LNX1: variants seen among roughly 807,000 people sequenced by gnomAD.
The protein encoded by LNX1 is E3 ubiquitin-protein ligase LNX.
Under a neutral mutation model 68.4 loss-of-function variants are expected in LNX1, and 54 were observed. The ratio of observed to expected loss-of-function variants is 0.79; its 90% CI spans 0.63 to 0.99. The LOEUF is 0.99. Ranked by LOEUF, LNX1 falls within the 50% of genes least tolerant of loss-of-function variation. LNX1 has a pLI of 0.00. For synonymous variants in LNX1, 336 were observed against 350.0 expected, an observed-to-expected ratio of 0.96 and a Z score of 0.45; for missense variants, 906 against 926.4, an observed-to-expected ratio of 0.98 and a Z score of 0.29.
At chr4:53,511,795 C>G (rs571160951) in intron 2 of LNX1, among the ~76,000 whole-genome samples, 1 of 152,278 alleles carries the variant, frequency 6.6e-6, no homozygotes, top group South Asian at 2.1e-4. Flanking sequence ...CACAGACGTT[C>G]TGATAGGGTA....
At chr4:53,563,806 T>A (rs1730449208) in intron 2 of LNX1, among the ~76,000 whole-genome samples, 1 of 152,226 alleles carries the variant, frequency 6.6e-6, no homozygotes, top group South Asian at 2.1e-4. Context: ...GTGCTGGGAT[T>A]ACAGGCATGG....
At chr4:53,586,958 A>G (rs953119578) in intron 1 of LNX1, among the ~76,000 whole-genome samples, 2 of 152,202 alleles carry the variant, frequency 1.3e-5, no homozygotes, top group Non-Finnish European at 2.9e-5. Flanking sequence ...AGATGAGTGT[A>G]TGTGCAGCTG....
chr4:53,515,051 A>C (rs749518360), intron 2 of LNX1, among the ~76,000 whole-genome samples: 3 of 152,230 alleles, frequency 2.0e-5, no homozygotes, highest in Admixed American at 6.5e-5. Context: ...TGACTCAAGG[A>C]TATTTCACAG....
intron 2 of LNX1, among the ~76,000 whole-genome samples, chr4:53,613,196 C>T (rs1242806679): frequency 6.6e-6 from 1 of 151,496 alleles, no homozygotes; most frequent in South Asian, 2.1e-4. Flanking sequence ...AAAAAGACCC[C>T]CTACACATAA....
intron 2 of LNX1, among the ~76,000 whole-genome samples, chr4:53,610,816 T>A (rs1303425779): frequency 2.0e-5 from 3 of 148,098 alleles, no homozygotes; most frequent in African/African-American, 7.5e-5. Flanking sequence ...ATTACTGAAA[T>A]AGAAGGCAAA....
rs1721381696 is a variant in LNX1, at chr4:53,459,592, AAG to A, written c.*1313_*1314del. On this transcript the variant is annotated 3_prime_UTR_variant, in exon 11 of 11. Coordinates refer to ENST00000263925, the MANE Select transcript of LNX1 (RefSeq NM_001126328.3). The stretch of plus-strand genomic sequence containing the variant: ...AAAGTTAACTTTTTTTCCAAAATAA[AAG>A]AGTGAATTTTTCATGTTAAGTTAAA... 5.9e-6 allele frequency: 7 copies of A among 1,186,868 alleles called. No individual in the cohort carries two copies. The highest frequency in any genetic ancestry group is 5.6e-5 in the South Asian group (4 of 71,674). 73.5% of individuals were successfully genotyped at this position (1,186,868 alleles called of 1,614,324 possible). A position where few individuals can be genotyped will look rare whatever the true frequency, so the allele number is the denominator to read the frequency against.
At chr4:53,561,410 T>C (rs551096169) in intron 2 of LNX1, among the ~76,000 whole-genome samples, 1 of 152,122 alleles carries the variant, frequency 6.6e-6, no homozygotes, top group African/African-American at 2.4e-5. Flanking sequence ...CTATTTTTAG[T>C]AGAGATGGGG....
intron 6 of LNX1, among the ~76,000 whole-genome samples, chr4:53,482,232 A>G (rs1037067173): frequency 1.3e-5 from 2 of 152,240 alleles, no homozygotes; most frequent in Non-Finnish European, 2.9e-5. Flanking sequence ...GCCCAAAGCA[A>G]AGATCTAAGA....
At chr4:53,566,149 G>A (rs1428793940) in intron 2 of LNX1, among the ~76,000 whole-genome samples, 16 of 152,018 alleles carry the variant, frequency 1.1e-4, no homozygotes, top group Middle Eastern at 3.4e-3. Flanking sequence ...TACAGAGAAC[G>A]GCACAAAGAT....
chr4:53,638,869 A>G (rs1734575281), intron 1 of LNX1, among the ~76,000 whole-genome samples: 1 of 152,230 alleles, frequency 6.6e-6, no homozygotes, highest in African/African-American at 2.4e-5. Flanking sequence ...AAAAGGGGAC[A>G]CTTATACACT....
intron 1 of LNX1, among the ~76,000 whole-genome samples, chr4:53,634,941 T>A: frequency 6.6e-6 from 1 of 152,070 alleles, no homozygotes; most frequent in East Asian, 1.9e-4. Context: ...TCCTCCTGCC[T>A]CAGCTTCCCA....
chr4:53,524,738 T>C (rs1727490145), intron 2 of LNX1, among the ~76,000 whole-genome samples: 1 of 152,212 alleles, frequency 6.6e-6, no homozygotes, highest in Admixed American at 6.5e-5. Flanking sequence ...ATTTGGGTCC[T>C]GCACAAAGAT....
chr4:53,514,244 G>A (rs1318016411), intron 2 of LNX1, among the ~76,000 whole-genome samples: 1 of 152,262 alleles, frequency 6.6e-6, no homozygotes, highest in Non-Finnish European at 1.5e-5. Flanking sequence ...CAAAGACAAT[G>A]ACTGGCATAT....
chr4:53,529,627 C>T (rs929356320), intron 2 of LNX1, among the ~76,000 whole-genome samples: 9 of 152,140 alleles, frequency 5.9e-5, no homozygotes, highest in South Asian at 2.1e-4. Flanking sequence ...AGAGCAAGCA[C>T]GGCATCTGAC....
chr4:53,494,881 C>T (rs756833792), intron 6 of LNX1, among the ~76,000 whole-genome samples: 4 of 152,082 alleles, frequency 2.6e-5, no homozygotes, highest in Admixed American at 6.5e-5. Flanking sequence ...AACATTATAC[C>T]GGGTGAAAAA....
intron 9 of LNX1, among the ~76,000 whole-genome samples, chr4:53,474,449 C>T (rs141863224): frequency 0.011 from 1,738 of 152,328 alleles, 17 homozygotes; most frequent in Middle Eastern, 0.037. Flanking sequence ...ACAGAGACTG[C>T]GTGGCCCTCA....
At chr4:53,620,060 T>C (rs533629832), upstream of LNX1, among the ~76,000 whole-genome samples, 5 of 152,196 alleles carry the variant, frequency 3.3e-5, no homozygotes, top group South Asian at 4.1e-4. Flanking sequence ...ACGAAACACA[T>C]TGTGGCTTTT....
At chr4:53,464,765 C>CAGA (rs3067118) in intron 9 of LNX1, among the ~76,000 whole-genome samples, 2 of 151,926 alleles carry the variant, frequency 1.3e-5, no homozygotes, top group African/African-American at 4.8e-5. Context: ...TTCAGGAGAA[C>CAGA]AGAAGATTTT....
intron 2 of LNX1, among the ~76,000 whole-genome samples, chr4:53,563,777 C>A (rs1292464163): frequency 6.6e-6 from 1 of 152,206 alleles, no homozygotes; most frequent in Non-Finnish European, 1.5e-5. Context: ...TCGTGATCCA[C>A]CCGCCTCGGC....
Sources: gnomAD v4.1 joint callset for allele counts (sites outside exome capture counted in the v4.1 genomes callset) on GRCh38, gnomAD v4.1.1 for gene constraint, MANE v1.5 for transcripts, NCBI Gene and HGNC (gene_info 2026-07-23, HGNC 2026-07-21) for gene names.